FKTN: variants seen among roughly 807,000 people sequenced by gnomAD.
The protein encoded by FKTN is ribitol-5-phosphate transferase FKTN.
FKTN carries 47 observed loss-of-function variants against 58.6 expected under a neutral mutation model. The ratio of observed to expected loss-of-function variants is 0.80; its 90% CI spans 0.63 to 1.02. The LOEUF (loss-of-function observed/expected upper bound fraction) is 1.02. Among genes scored for constraint, FKTN ranks in the 50% least tolerant of loss-of-function variants. The probability of loss-of-function intolerance (pLI) is 0.00; values close to 1 mark genes in which losing one functional copy is unlikely to be tolerated. For missense variants in FKTN, 516 were observed against 537.3 expected (o/e 0.96, Z 0.39); for synonymous variants, 178 against 191.9 (o/e 0.93, Z 0.60).
rs1319135728 is a variant in FKTN at position 105,638,411 on chromosome 9, T to C, written c.*3147T>C. The C allele has an allele frequency of 1.0e-6, 1 of 985,314 alleles. No individual in the cohort carries two copies. Among genetic ancestry groups the C allele is most frequent in the African/African-American group, 1.7e-5 (1 of 57,244 alleles). 61.0% of individuals were successfully genotyped at this position (985,314 alleles called of 1,614,324 possible). ...ATACCTTTATCTGGAAAATGCCTTCTCTCCAGACAATAAGACAGTTCACAT... is the reference window on the plus strand; with the variant it reads ...ATACCTTTATCTGGAAAATGCCTTCCCTCCAGACAATAAGACAGTTCACAT... On this transcript the variant is annotated 3_prime_UTR_variant, in exon 11 of 11. Transcript: ENST00000357998.
chr9:105,591,051 T>C (rs1217897421), intron 3 of FKTN, among the ~76,000 whole-genome samples: 1 of 152,070 alleles, frequency 6.6e-6, no homozygotes, highest in East Asian at 1.9e-4. Flanking sequence ...AAGAGGATGG[T>C]GCTAAACCAT....
chr9:105,584,274 A>G (rs1343321896), intron 3 of FKTN, among the ~76,000 whole-genome samples: 1 of 152,314 alleles, frequency 6.6e-6, no homozygotes, highest in African/African-American at 2.4e-5. Context: ...TTAATTTTAT[A>G]ATGAAAAATA....
intron 6 of FKTN, among the ~76,000 whole-genome samples, chr9:105,605,368 C>G (rs1260413037): frequency 3.3e-5 from 5 of 152,002 alleles, no homozygotes; most frequent in Non-Finnish European, 7.4e-5. Context: ...TGAAATTAAA[C>G]CTCTCTAGAA....
chr9:105,567,665 T>C (rs1229592087), intron 1 of FKTN, among the ~76,000 whole-genome samples: 1 of 152,176 alleles, frequency 6.6e-6, no homozygotes, highest in African/African-American at 2.4e-5. Flanking sequence ...TGGAAGAACA[T>C]TCTATGCTCA....
At position 105,587,160 on chromosome 9, in the gene FKTN, T is replaced by C. The variant is rs192741935; in HGVS notation, c.106-9438T>C. 1.5e-3 allele frequency among the ~76,000 whole-genome samples: 234 copies of C among 152,248 alleles called. 1 individual carries two copies. The highest frequency in any genetic ancestry group is 5.4e-3 in the African/African-American group (223 of 41,560). The stretch of plus-strand genomic sequence containing the variant: ...GCACTGAGTGATCCAAGCCTTTTTA[T>C]TGTTCTTGACTTAGTCCAATGAGCA... On this transcript the variant is annotated intron_variant, in intron 3 of 10. Transcript: ENST00000357998.
intron 3 of FKTN, among the ~76,000 whole-genome samples, chr9:105,594,894 T>C (rs1055931588): frequency 1.3e-5 from 2 of 152,198 alleles, no homozygotes; most frequent in African/African-American, 4.8e-5. Flanking sequence ...AAGAGAATGA[T>C]TGTGAAACAT....
In FKTN at chr9:105,636,751, C is replaced by T. The variant is rs1234220056; in HGVS notation, c.*1487C>T. The T allele has an allele frequency of 1.6e-5, 21 of 1,292,984 alleles. No individual in the cohort carries two copies. Among genetic ancestry groups the T allele is most frequent in the Non-Finnish European group, 2.0e-5 (20 of 981,292 alleles). 80.1% of individuals were successfully genotyped at this position (1,292,984 alleles called of 1,614,324 possible). A position where few individuals can be genotyped will look rare whatever the true frequency, so the allele number is the denominator to read the frequency against. ...AGCTTGGCAGATTTTCCTCTGACAC[C>T]AGAGAACAATAGTAGTCTCAAGAAT... On this transcript the variant is annotated 3_prime_UTR_variant, in exon 11 of 11. Coordinates refer to ENST00000357998, the MANE Select transcript of FKTN (RefSeq NM_001079802.2).
intron 7 of FKTN, among the ~76,000 whole-genome samples, chr9:105,613,931 T>C (rs1401325222): frequency 6.6e-6 from 1 of 152,218 alleles, no homozygotes; most frequent in African/African-American, 2.4e-5. Context: ...GAGCTGAGAC[T>C]TGAAAGATTT....
chr9:105,560,158 A>G (rs1192613123), intron 1 of FKTN, among the ~76,000 whole-genome samples: 1 of 152,230 alleles, frequency 6.6e-6, no homozygotes, highest in African/African-American at 2.4e-5. Flanking sequence ...ACAAATATTT[A>G]TATGTTTCAA....
intron 3 of FKTN, among the ~76,000 whole-genome samples, chr9:105,579,255 G>A (rs1279266967): frequency 6.6e-6 from 1 of 152,122 alleles, no homozygotes; most frequent in Non-Finnish European, 1.5e-5. Flanking sequence ...TAATTGTGAT[G>A]TTAGGGTGTC....
At position 105,569,436 on chromosome 9, in the gene FKTN, C is replaced by G. The variant is rs373644033; in HGVS notation, c.-180-4219C>G. 3.5e-4 allele frequency among the ~76,000 whole-genome samples: 54 copies of G among 152,156 alleles called. No individual in the cohort carries two copies. The Middle Eastern group carries it at 0.01, about 29-fold the overall frequency. Reference sequence around the variant, plus strand: ...TATCTACTACTAGTTTTTTTCCAAGCCTTTTCACATCTTGACACATAGTAA... The same window carrying G: ...TATCTACTACTAGTTTTTTTCCAAGGCTTTTCACATCTTGACACATAGTAA... On this transcript the variant is annotated intron_variant, in intron 1 of 10. Coordinates refer to ENST00000357998, the MANE Select transcript of FKTN (RefSeq NM_001079802.2).
chr9:105,607,110 T>C (rs938257341), intron 6 of FKTN, among the ~76,000 whole-genome samples: 2 of 152,076 alleles, frequency 1.3e-5, no homozygotes, highest in Admixed American at 1.3e-4. Context: ...TTATTAAACA[T>C]AAACATGTGA....
chr9:105,583,878 A>G (rs1191027701), intron 3 of FKTN, among the ~76,000 whole-genome samples: 1 of 152,142 alleles, frequency 6.6e-6, no homozygotes, highest in African/African-American at 2.4e-5. Flanking sequence ...TCTAACTTAC[A>G]TTTTTCCACA....
chr9:105,586,788 T>A (rs1327942302), intron 3 of FKTN, among the ~76,000 whole-genome samples: 1 of 152,234 alleles, frequency 6.6e-6, no homozygotes, highest in Non-Finnish European at 1.5e-5. Flanking sequence ...TATCAGTAGC[T>A]TACATTTTCT....
chr9:105,630,424 C>T lies in FKTN; in HGVS notation c.1173-4627C>T, dbSNP rs138142641. ...CATTCGAGACAGTGAATTAGTAATC[C>T]GAAATCCTCCTTTCTCCCTCTTTTC... On this transcript the variant is annotated intron_variant, in intron 10 of 10. Coordinates refer to ENST00000357998, the MANE Select transcript of FKTN (RefSeq NM_001079802.2). Among the ~76,000 whole-genome samples the T allele has an allele frequency of 3.6e-3, 552 of 152,080 alleles. 5 individuals are homozygous for T. The highest frequency in any genetic ancestry group is 0.012 in the African/African-American group (513 of 41,484).
chr9:105,578,629 C>T (rs906354085), intron 3 of FKTN, among the ~76,000 whole-genome samples: 20 of 151,292 alleles, frequency 1.3e-4, no homozygotes, highest in Non-Finnish European at 2.2e-4. Flanking sequence ...GTCTAAAATT[C>T]TCTTTTTTTG....
intron 3 of FKTN, among the ~76,000 whole-genome samples, chr9:105,592,332 C>CT (rs1564263071): frequency 6.6e-6 from 1 of 152,166 alleles, no homozygotes; most frequent in Non-Finnish European, 1.5e-5. Flanking sequence ...ATCTTGAACT[C>CT]TTTGCTGCTT....
intron 8 of FKTN, 141 bp downstream of exon 8, chr9:105,615,548 G>A (rs1588185429): frequency 2.6e-6 from 2 of 779,564 alleles, no homozygotes; most frequent in Admixed American, 2.1e-5. Context: ...CATGCAGCAA[G>A]GATCTATTGA....
intron 8 of FKTN, among the ~76,000 whole-genome samples, chr9:105,616,696 T>C (rs1830876002): frequency 6.6e-6 from 1 of 152,196 alleles, no homozygotes; most frequent in African/African-American, 2.4e-5. Context: ...CCTGCCTTTA[T>C]AGGGATAGGG....
Sources: allele counts gnomAD v4.1 joint callset (sites outside exome capture counted in the v4.1 genomes callset), GRCh38; gene constraint gnomAD v4.1.1; transcripts MANE v1.5; gene names NCBI Gene and HGNC (gene_info 2026-07-23, HGNC 2026-07-21).